The following EML4 variants were observed in gnomAD, a reference collection of about 807,000 sequenced individuals.
The protein encoded by EML4 is echinoderm microtubule-associated protein-like 4.
Under a neutral mutation model 129.0 loss-of-function variants are expected in EML4, and 72 were observed. The ratio of observed to expected loss-of-function variants is 0.56; its 90% confidence interval spans 0.46 to 0.68. EML4 has a LOEUF of 0.68. Among genes scored for constraint, EML4 ranks in the 30% least tolerant of loss-of-function variants. EML4 has a pLI of 0.00. For synonymous variants in EML4, 532 were observed against 405.0 expected (o/e 1.31, Z -3.77); for missense variants, 1,363 against 1,190.6 (o/e 1.14, Z -2.13).
In EML4 at chr2:42,330,484, G is replaced by A; in HGVS notation, c.*277G>A. 3 of 520,080 alleles carry A rather than the reference G, an allele frequency of 5.8e-6. No homozygotes were observed. Among genetic ancestry groups the A allele is most frequent in the Admixed American group, 3.2e-5 (1 of 31,608 alleles). 32.2% of individuals were successfully genotyped at this position (520,080 alleles called of 1,614,324 possible). ...TTACTGTGTACCTAAGTGGTGTGATGTAAATACTGGAAACAAAAACAGCAG... is the reference window on the plus strand; with the variant it reads ...TTACTGTGTACCTAAGTGGTGTGATATAAATACTGGAAACAAAAACAGCAG... On this transcript the variant is annotated 3_prime_UTR_variant, in exon 23 of 23. Transcript: ENST00000318522.
rs780048815 is a variant in EML4 at position 42,256,569 on chromosome 2, C to A, written c.277C>A (p.Pro93Thr). ...CAATGGAAGTGGTGCAAACAGAAAA[C>A]CAAGTCATACCAGTGCTGTCTCAAT... ...ITNGSGANRK[P>T]SHTSAVSIAG... Residue 93 changes from proline (P) to threonine (T), a missense_variant, in exon 3 of 23, where the codon CCA becomes ACA. Coordinates refer to ENST00000318522, the MANE Select transcript of EML4 (RefSeq NM_019063.5). 2 of 1,613,850 alleles carry A rather than the reference C, an allele frequency of 1.2e-6. No homozygotes were observed. The highest frequency in any genetic ancestry group is 1.7e-5 in the Admixed American group (1 of 60,014).
At chr2:42,191,329 C>G (rs969207627) in intron 1 of EML4, among the ~76,000 whole-genome samples, 5 of 152,088 alleles carry the variant, frequency 3.3e-5, no homozygotes, top group Non-Finnish European at 5.9e-5. Context: ...CTGAAATGAT[C>G]TTCCCCCAGC....
At chr2:42,251,929 C>G (rs1208866928) in intron 2 of EML4, among the ~76,000 whole-genome samples, 1 of 152,178 alleles carries the variant, frequency 6.6e-6, no homozygotes, top group Non-Finnish European at 1.5e-5. Context: ...CAGGGACAGT[C>G]ACTAACATAG....
intron 6 of EML4, among the ~76,000 whole-genome samples, chr2:42,267,485 G>C (rs1315628651): frequency 1.3e-5 from 2 of 152,310 alleles, no homozygotes; most frequent in East Asian, 1.9e-4. Flanking sequence ...GCTGTGGCTT[G>C]TTCCAAATCA....
chr2:42,279,489 G>A (rs1419279064), intron 6 of EML4, among the ~76,000 whole-genome samples: 2 of 146,642 alleles, frequency 1.4e-5, no homozygotes, highest in Non-Finnish European at 3.0e-5. Context: ...ACGCAGTCTT[G>A]CTCTGTCACC....
intron 1 of EML4, among the ~76,000 whole-genome samples, chr2:42,192,151 T>C (rs1671623074): frequency 6.7e-6 from 1 of 149,876 alleles, no homozygotes; most frequent in Admixed American, 6.6e-5. Context: ...TAGTTTTGAA[T>C]GTAATTTCCC....
chr2:42,316,646 A>T (rs1042975327), intron 18 of EML4, among the ~76,000 whole-genome samples: 13 of 152,176 alleles, frequency 8.5e-5, no homozygotes, highest in African/African-American at 3.1e-4. Context: ...CTTGTTATTA[A>T]TGTAGCTTTG....
intron 10 of EML4, among the ~76,000 whole-genome samples, chr2:42,286,765 A>G (rs1042102019): frequency 4.6e-5 from 7 of 152,210 alleles, no homozygotes; most frequent in African/African-American, 1.7e-4. Flanking sequence ...ATTCACAGCA[A>G]ACTTGGCCAG....
In EML4 at chr2:42,295,160, C is replaced by T. The variant is rs755691391; in HGVS notation, c.1254C>T (p.His418=). 6 of 1,612,494 alleles carry T rather than the reference C, an allele frequency of 3.7e-6. No individual in the cohort carries two copies. The highest frequency in any genetic ancestry group is 2.2e-5 in the South Asian group (2 of 90,392). The change falls in exon 12 of 23, where the codon CAC becomes CAT. Residue 418 remains histidine, a synonymous_variant. Coordinates refer to ENST00000318522, the MANE Select transcript of EML4 (RefSeq NM_019063.5). The part of the protein sequence containing the change: ...TNEVVLAVEF[H]PTDANTIITC... ...AAGTTGTTTTGGCTGTGGAGTTTCA[C>T]CCAACAGATGCAAATACCATAATTA...
chr2:42,261,860 G>A (rs1465858339), intron 4 of EML4, among the ~76,000 whole-genome samples: 4 of 152,082 alleles, frequency 2.6e-5, no homozygotes, highest in African/African-American at 9.7e-5. Context: ...TTCTGTGTCC[G>A]TAATAATTAA....
chr2:42,183,505 A>G (rs1671072233), intron 1 of EML4, among the ~76,000 whole-genome samples: 1 of 152,208 alleles, frequency 6.6e-6, no homozygotes, highest in Admixed American at 6.5e-5. Context: ...TAGTTACAAC[A>G]TTGATAGCTG....
At chr2:42,201,114 A>G (rs1672206399) in intron 1 of EML4, among the ~76,000 whole-genome samples, 1 of 152,204 alleles carries the variant, frequency 6.6e-6, no homozygotes, top group Non-Finnish European at 1.5e-5. Flanking sequence ...AGATTTTGTC[A>G]ACTGTGCTAA....
rs995739768 is a variant in EML4, at chr2:42,331,714, TTCA to T, written c.*1515_*1517del. On this transcript the variant is annotated 3_prime_UTR_variant, in exon 23 of 23. Transcript: ENST00000318522. ...CTCAGGAGTAATACAAATCAGGTAT[TTCA>T]TCATCATTTGGTAATATGAAAACTC... 9.1e-6 allele frequency: 2 copies of T among 220,306 alleles called. No individual in the cohort carries two copies. The highest frequency in any genetic ancestry group is 1.8e-5 in the Non-Finnish European group (2 of 109,648). 13.6% of individuals were successfully genotyped at this position (220,306 alleles called of 1,614,324 possible). A position where few individuals can be genotyped will look rare whatever the true frequency, so the allele number is the denominator to read the frequency against.
chr2:42,313,784 C>T (rs895877387), intron 17 of EML4, among the ~76,000 whole-genome samples: 1 of 151,814 alleles, frequency 6.6e-6, no homozygotes, highest in African/African-American at 2.4e-5. Flanking sequence ...AGAAAATTAT[C>T]TGGGCGTGGT....
chr2:42,281,036 C>CTAGA, intron 7 of EML4, 63 bp downstream of exon 7: 1 of 1,274,212 alleles, frequency 7.8e-7, no homozygotes, highest in Non-Finnish European at 1.1e-6. Context: ...AATCAGTTAA[C>CTAGA]GTATTCTCTG....
intron 1 of EML4, chr2:42,207,834 A>C (rs1286533996): frequency 6.6e-6 from 1 of 152,226 alleles, no homozygotes; most frequent in Non-Finnish European, 1.5e-5. Flanking sequence ...ACTGATGAAT[A>C]ATTGATTTCC....
At chr2:42,177,617 C>T (rs115742188) in intron 1 of EML4, among the ~76,000 whole-genome samples, 7,103 of 152,098 alleles carry the variant, frequency 0.047, 565 homozygotes, top group African/African-American at 0.16. Context: ...AGCGAGACCC[C>T]GTCTCAAACA....
chr2:42,184,866 G>C (rs1029903220), intron 1 of EML4, among the ~76,000 whole-genome samples: 10 of 152,104 alleles, frequency 6.6e-5, no homozygotes, highest in African/African-American at 2.4e-4. Flanking sequence ...ATTTCTTAAG[G>C]ACAAGAATGT....
chr2:42,283,330 T>A (rs75842498), intron 8 of EML4, among the ~76,000 whole-genome samples: 2,112 of 152,298 alleles, frequency 0.014, 56 homozygotes, highest in African/African-American at 0.048. Context: ...TTATTGAGGA[T>A]TTGTCCTATG....
Sources: gnomAD v4.1 joint callset for allele counts (sites outside exome capture counted in the v4.1 genomes callset) on GRCh38, gnomAD v4.1.1 for gene constraint, MANE v1.5 for transcripts, NCBI Gene and HGNC (gene_info 2026-07-23, HGNC 2026-07-21) for gene names.